The following SVIL variants were observed in gnomAD, a reference collection of about 807,000 sequenced individuals.
SVIL encodes supervillin.
A neutral mutation model predicts 240.4 loss-of-function variants in SVIL; 101 were observed. The ratio of observed to expected loss-of-function variants is 0.42; its 90% confidence interval spans 0.36 to 0.50. The LOEUF is 0.50. Among genes scored for constraint, SVIL ranks in the 20% least tolerant of loss-of-function variants. SVIL has a pLI of 0.01. For missense variants in SVIL, 2,512 were observed against 2,818.7 expected (o/e 0.89, Z 2.46); for synonymous variants, 999 against 1,100.0 (o/e 0.91, Z 1.82).
Position 29,458,467 on chromosome 10 carries a change from C to T in SVIL, c.6525G>A (p.Lys2175=). 6.3e-7 allele frequency: 1 copy of T among 1,580,920 alleles called. No homozygotes were observed. Among genetic ancestry groups the T allele is most frequent in the Non-Finnish European group, 8.6e-7 (1 of 1,162,840 alleles). ...CTTCGTCGGTGAGATAGATCTCAAG[C>T]TTCAGAGGATCGACCCCCTCCGGGA... The part of the protein sequence containing the change: ...RPLPEGVDPL[K]LEIYLTDEDF... The change falls in exon 37 of 38, where the codon AAG becomes AAA. Residue 2175 remains lysine, a synonymous_variant. Transcript: ENST00000355867.
At chr10:29,502,605 ATG>A (rs2132446172) in intron 17 of SVIL, among the ~76,000 whole-genome samples, 1 of 152,216 alleles carries the variant, frequency 6.6e-6, no homozygotes, top group East Asian at 1.9e-4. Flanking sequence ...GATCCCACGA[ATG>A]TGGTGGGGAA....
intron 1 of SVIL, among the ~76,000 whole-genome samples, chr10:29,630,070 G>T (rs1310430943): frequency 6.6e-6 from 1 of 152,126 alleles, no homozygotes; most frequent in East Asian, 1.9e-4. Flanking sequence ...TGTTATTATT[G>T]TTCATCCCTT....
intron 1 of SVIL, among the ~76,000 whole-genome samples, chr10:29,592,390 T>C (rs992788937): frequency 6.6e-6 from 1 of 152,242 alleles, no homozygotes; most frequent in Non-Finnish European, 1.5e-5. Context: ...CTTCGATATT[T>C]CACAAGGCAA....
intron 1 of SVIL, among the ~76,000 whole-genome samples, chr10:29,705,720 G>A (rs770128409): frequency 2.0e-5 from 3 of 152,030 alleles, no homozygotes; most frequent in Non-Finnish European, 4.4e-5. Flanking sequence ...TCCTACTTAT[G>A]AGTGAGAACA....
chr10:29,612,374 A>G (rs1372432343), intron 1 of SVIL, among the ~76,000 whole-genome samples: 1 of 152,202 alleles, frequency 6.6e-6, no homozygotes, highest in Non-Finnish European at 1.5e-5. Context: ...GACATCAGGC[A>G]GTGAAATGAC....
At chr10:29,507,055 T>C (rs545537575) in intron 17 of SVIL, among the ~76,000 whole-genome samples, 40 of 152,096 alleles carry the variant, frequency 2.6e-4, no homozygotes, top group Non-Finnish European at 4.9e-4. Flanking sequence ...GTCTGCTCTC[T>C]GGGGTGGGGT....
At chr10:29,511,045 G>A (rs1949795449) in intron 17 of SVIL, among the ~76,000 whole-genome samples, 2 of 133,018 alleles carry the variant, frequency 1.5e-5, no homozygotes, top group South Asian at 2.4e-4. Context: ...AGAGTTCACC[G>A]TCTGCAGAAA....
At chr10:29,472,746 C>T (rs1170488396) in intron 30 of SVIL, among the ~76,000 whole-genome samples, 2 of 152,114 alleles carry the variant, frequency 1.3e-5, no homozygotes, top group African/African-American at 4.8e-5. Flanking sequence ...GGGCAGCAGT[C>T]CCTCCCAGGC....
At chr10:29,616,917 T>C (rs1957447806) in intron 1 of SVIL, among the ~76,000 whole-genome samples, 1 of 152,188 alleles carries the variant, frequency 6.6e-6, no homozygotes, top group Non-Finnish European at 1.5e-5. Context: ...GAGACAGGGT[T>C]TCGCCATGTT....
At chr10:29,517,130 G>A (rs1211930379) in intron 16 of SVIL, among the ~76,000 whole-genome samples, 1 of 152,074 alleles carries the variant, frequency 6.6e-6, no homozygotes, top group Non-Finnish European at 1.5e-5. Context: ...GGAAAAGGAG[G>A]GCCAGGCGTG....
At chr10:29,481,284 G>C (rs1946821508) in intron 28 of SVIL, among the ~76,000 whole-genome samples, 2 of 151,942 alleles carry the variant, frequency 1.3e-5, no homozygotes, top group Admixed American at 6.6e-5. Context: ...TATGGGGAAG[G>C]GGGTGTGGGA....
At chr10:29,712,785 G>A (rs984971512) in intron 1 of SVIL, among the ~76,000 whole-genome samples, 7 of 152,158 alleles carry the variant, frequency 4.6e-5, no homozygotes, top group East Asian at 1.9e-4. Flanking sequence ...AGAGGAATGC[G>A]GAAGGTTAGT....
chr10:29,526,670 T>C (rs1410355744), intron 13 of SVIL, among the ~76,000 whole-genome samples: 1 of 152,216 alleles, frequency 6.6e-6, no homozygotes, highest in Non-Finnish European at 1.5e-5. Context: ...ACAAAATTTT[T>C]GAGGGATGAC....
At chr10:29,628,876 C>G (rs1024909134) in intron 1 of SVIL, among the ~76,000 whole-genome samples, 1 of 152,036 alleles carries the variant, frequency 6.6e-6, no homozygotes, top group East Asian at 1.9e-4. Flanking sequence ...AAAATAAGGC[C>G]GCCAGGAGAC....
intron 34 of SVIL, 43 bp downstream of exon 34, chr10:29,465,552 G>A: frequency 6.5e-7 from 1 of 1,543,762 alleles, no homozygotes. Context: ...TCTGGAAGAT[G>A]TGCCTTCTAC....
At position 29,480,677 on chromosome 10, in the gene SVIL, T is replaced by G. The variant is rs373542760; in HGVS notation, c.5237A>C (p.Gln1746Pro). 2 of 1,614,228 alleles carry G rather than the reference T, an allele frequency of 1.2e-6. No homozygotes were observed. Among genetic ancestry groups the G allele is most frequent in the Admixed American group, 1.7e-5 (1 of 60,028 alleles). The stretch of plus-strand genomic sequence containing the variant: ...CACGGAAACGCTGGTGATCTCAAAC[T>G]GCCTCCTGTCGTGTCCTTCCACCAG... ...YGLVEGHDRR[Q>P]FEITSVSVDV... is the part of the protein sequence containing the mutation. Residue 1746 changes from glutamine to proline, a missense_variant, in exon 29 of 38, where the codon CAG becomes CCG. By Grantham distance (76) the Gln-to-Pro change is moderately conservative. Coordinates refer to ENST00000355867, the MANE Select transcript of SVIL (RefSeq NM_021738.3).
chr10:29,603,944 A>AT lies in SVIL; in HGVS notation c.-201+30475dup, dbSNP rs1956910620. On this transcript the variant is annotated intron_variant, in intron 1 of 37. Transcript: ENST00000355867. ...TTTAAAAATCCAATTTACATTTGTA[A>AT]TTTTTTGACTCATGTGATTGAATAA... 2.0e-5 allele frequency among the ~76,000 whole-genome samples: 3 copies of AT among 152,284 alleles called. No individual in the cohort carries two copies. In the South Asian group the frequency reaches 6.2e-4, roughly 32 times the overall value.
intron 3 of SVIL, among the ~76,000 whole-genome samples, chr10:29,643,016 A>G (rs1958539129): frequency 6.6e-6 from 1 of 152,076 alleles, no homozygotes; most frequent in Admixed American, 6.6e-5. Context: ...CAGCTACAAC[A>G]TTCTCCCTTT....
intron 31 of SVIL, 29 bp downstream of exon 31, chr10:29,471,109 G>A (rs1564465096): frequency 6.3e-7 from 1 of 1,590,764 alleles, no homozygotes; most frequent in Non-Finnish European, 8.6e-7. Flanking sequence ...GAAAGGCAAA[G>A]TCGAATTCCA....
Sources: gnomAD v4.1 joint callset for allele counts (sites outside exome capture counted in the v4.1 genomes callset) on GRCh38, gnomAD v4.1.1 for gene constraint, MANE v1.5 for transcripts, NCBI Gene and HGNC (gene_info 2026-07-23, HGNC 2026-07-21) for gene names.